Variants in SCAPER observed in about 807,000 individuals in gnomAD.
The protein encoded by SCAPER is S-phase cyclin A associated protein in the ER, also known as S phase cyclin A-associated protein in the endoplasmic reticulum.
Under a neutral mutation model 182.2 loss-of-function variants are expected in SCAPER, and 98 were observed. That is an observed-to-expected ratio of 0.54 (90% CI 0.46 to 0.64). The LOEUF is 0.64. SCAPER is among the 30% of genes least tolerant of loss of function. The pLI is 0.00. For missense variants in SCAPER, 1,432 were observed against 1,690.0 expected (o/e 0.85, Z 2.68); for synonymous variants, 605 against 564.6 (o/e 1.07, Z -1.01).
chr15:76,710,476 T>C (rs968161990), intron 17 of SCAPER, among the ~76,000 whole-genome samples: 13 of 152,146 alleles, frequency 8.5e-5, no homozygotes, highest in African/African-American at 3.1e-4. Context: ...AAATCTACTG[T>C]ATTTCTACAT....
At chr15:76,607,878 A>G (rs567677784) in intron 22 of SCAPER, among the ~76,000 whole-genome samples, 1 of 152,252 alleles carries the variant, frequency 6.6e-6, no homozygotes, top group South Asian at 2.1e-4. Context: ...CAGGTCCTCT[A>G]AGGACTTCTC....
At chr15:76,793,732 G>T (rs2151465502) in intron 8 of SCAPER, among the ~76,000 whole-genome samples, 1 of 152,232 alleles carries the variant, frequency 6.6e-6, no homozygotes, top group South Asian at 2.1e-4. Context: ...TGACTTCTGT[G>T]AGCCACTCTA....
intron 5 of SCAPER, among the ~76,000 whole-genome samples, chr15:76,834,978 A>AAG (rs2068807026): frequency 6.6e-6 from 1 of 152,188 alleles, no homozygotes; most frequent in Non-Finnish European, 1.5e-5. Context: ...ATATACAAAG[A>AAG]AGAGCTAATA....
At chr15:76,801,493 A>G (rs774464820) in intron 6 of SCAPER, among the ~76,000 whole-genome samples, 13 of 152,236 alleles carry the variant, frequency 8.5e-5, no homozygotes, top group Non-Finnish European at 1.8e-4. Flanking sequence ...GCTAGCCAAA[A>G]TAAATTTTGA....
chr15:76,877,532 T>C (rs867292320), intron 2 of SCAPER, among the ~76,000 whole-genome samples: 4 of 152,200 alleles, frequency 2.6e-5, no homozygotes, highest in Non-Finnish European at 5.9e-5. Context: ...TGACACTACA[T>C]TACATTAACA....
chr15:76,424,756 C>T (rs369753043), intron 26 of SCAPER, among the ~76,000 whole-genome samples: 42 of 152,236 alleles, frequency 2.8e-4, no homozygotes, highest in East Asian at 5.8e-4. Flanking sequence ...TGGCTGGTCC[C>T]GGTTGTTCCT....
chr15:76,611,935 A>G (rs1306144574), intron 22 of SCAPER, among the ~76,000 whole-genome samples: 2 of 152,162 alleles, frequency 1.3e-5, no homozygotes, highest in Non-Finnish European at 2.9e-5. Context: ...GTATTGGAGG[A>G]ATATACCTCA....
At chr15:76,620,082 A>C (rs949954781) in intron 22 of SCAPER, among the ~76,000 whole-genome samples, 2 of 151,832 alleles carry the variant, frequency 1.3e-5, no homozygotes, top group African/African-American at 4.8e-5. Context: ...TCTTCAAAAA[A>C]TATATATATA....
chr15:76,371,895 G>C (rs950942314), intron 29 of SCAPER, among the ~76,000 whole-genome samples: 1 of 151,812 alleles, frequency 6.6e-6, no homozygotes, highest in Non-Finnish European at 1.5e-5. Flanking sequence ...TCCAGCCTGG[G>C]CAACAAGAGC....
At chr15:76,632,781 T>C (rs535316758) in intron 21 of SCAPER, among the ~76,000 whole-genome samples, 1 of 147,794 alleles carries the variant, frequency 6.8e-6, no homozygotes, top group South Asian at 2.2e-4. Context: ...TTTTTTTTTT[T>C]TTTTTTTTTG....
At chr15:76,810,666 T>C (rs2066531787) in intron 5 of SCAPER, among the ~76,000 whole-genome samples, 1 of 151,684 alleles carries the variant, frequency 6.6e-6, no homozygotes, top group South Asian at 2.1e-4. Flanking sequence ...TAAATCCTTA[T>C]CAATAATTAT....
intron 27 of SCAPER, among the ~76,000 whole-genome samples, chr15:76,396,647 T>C (rs2044081263): frequency 6.6e-6 from 1 of 152,250 alleles, no homozygotes; most frequent in East Asian, 1.9e-4. Flanking sequence ...ATGCTACTGA[T>C]TTCTGGACAT....
At position 76,444,853 on chromosome 15, in the gene SCAPER, C is replaced by T. The variant is rs2047883503; in HGVS notation, c.3079-10543G>A. ...TTCAGATTGGGTAATTTTGATCATT[C>T]TAACTTCAAATTCATTGATTCTTTC... On this transcript the variant is annotated intron_variant, in intron 25 of 31. Coordinates refer to ENST00000563290, the MANE Select transcript of SCAPER (RefSeq NM_020843.4). 2.0e-5 allele frequency among the ~76,000 whole-genome samples: 3 copies of T among 152,302 alleles called. No individual in the cohort carries two copies. The South Asian group carries it at 6.2e-4, about 32-fold the overall frequency.
intron 15 of SCAPER, among the ~76,000 whole-genome samples, chr15:76,750,506 T>C (rs1426346953): frequency 2.6e-5 from 4 of 151,836 alleles, no homozygotes; most frequent in Admixed American, 1.3e-4. Context: ...ATATCCTTTA[T>C]CAATATTAAT....
Position 76,348,003 on chromosome 15 carries a change from A to T in SCAPER, c.*630T>A, listed in dbSNP as rs1049391187. 6.6e-6 allele frequency: 1 copy of T among 152,158 alleles called. No homozygotes were observed. Among genetic ancestry groups the T allele is most frequent in the African/African-American group, 2.4e-5 (1 of 41,436 alleles). 9.4% of individuals were successfully genotyped at this position (152,158 alleles called of 1,614,324 possible). On this transcript the variant is annotated 3_prime_UTR_variant, in exon 32 of 32. Coordinates refer to ENST00000563290, the MANE Select transcript of SCAPER (RefSeq NM_020843.4). ...CTAGGACACATCTTTTTTATCACTA[A>T]TTTTTCCTTAGGAGAGTAATTTCAG...
intron 9 of SCAPER, 94 bp from the exon 10 acceptor site, chr15:76,772,048 TGAA>T (rs66496622): frequency 0.99 from 741,069 of 748,136 alleles, 367,388 homozygotes; most frequent in East Asian, 1. Context: ...CTATTAACTA[TGAA>T]GAAGAAGAGG....
At chr15:76,874,338 T>C (rs2072996288) in intron 2 of SCAPER, among the ~76,000 whole-genome samples, 1 of 152,158 alleles carries the variant, frequency 6.6e-6, no homozygotes, top group Non-Finnish European at 1.5e-5. Context: ...AAAGGATATG[T>C]AAGAAAGAAA....
chr15:76,669,202 C>CA (rs1183350820), intron 20 of SCAPER, among the ~76,000 whole-genome samples: 1 of 141,570 alleles, frequency 7.1e-6, no homozygotes, highest in Non-Finnish European at 1.5e-5. Flanking sequence ...AACCTACCAA[C>CA]AAAAAACAAG....
intron 4 of SCAPER, among the ~76,000 whole-genome samples, chr15:76,843,215 A>G (rs1485640147): frequency 1.3e-5 from 2 of 152,238 alleles, no homozygotes; most frequent in East Asian, 3.8e-4. Flanking sequence ...ACAACGGGCA[A>G]TAATGCCTTG....
Sources: allele counts gnomAD v4.1 joint callset (sites outside exome capture counted in the v4.1 genomes callset), GRCh38; gene constraint gnomAD v4.1.1; transcripts MANE v1.5; gene names NCBI Gene and HGNC (gene_info 2026-07-23, HGNC 2026-07-21).